ZNF675: variants seen among roughly 807,000 people sequenced by gnomAD.
ZNF675 encodes the protein zinc finger protein 675, also known as TRAF6 inhibitory zinc finger.
In ZNF675, 36 loss-of-function variants were observed where a neutral mutation model predicts 56.1. The ratio of observed to expected loss-of-function variants is 0.64; its 90% CI spans 0.49 to 0.85. ZNF675 has a LOEUF of 0.85. Ranked by LOEUF, ZNF675 falls within the 40% of genes least tolerant of loss-of-function variation. The pLI is 0.00. For missense variants in ZNF675, 663 were observed against 654.2 expected (o/e 1.01, Z -0.15); for synonymous variants, 200 against 218.9 (o/e 0.91, Z 0.76).
At chr19:23,676,505 C>T (rs939726819) in intron 1 of ZNF675, among the ~76,000 whole-genome samples, 3 of 151,674 alleles carry the variant, frequency 2.0e-5, no homozygotes, top group Admixed American at 2.0e-4. Flanking sequence ...AGTTAATCCA[C>T]CATTATCAAG....
At chr19:23,662,018 C>T (rs750543223) in intron 3 of ZNF675, 96 bp downstream of exon 3, 55 of 887,450 alleles carry the variant, frequency 6.2e-5, no homozygotes, top group Middle Eastern at 2.3e-4. Context: ...CTTTAAAACA[C>T]GGCTTCCCAA....
intron 1 of ZNF675, among the ~76,000 whole-genome samples, chr19:23,677,025 C>A (rs754713321): frequency 1.4e-5 from 2 of 146,190 alleles, no homozygotes; most frequent in African/African-American, 5.2e-5. Context: ...TGCAGTGAGC[C>A]GAGATTGCGC....
intron 3 of ZNF675, 193 bp downstream of exon 3, chr19:23,661,921 C>T: frequency 2.1e-6 from 1 of 483,380 alleles, no homozygotes. Flanking sequence ...AAAATGTAAA[C>T]AGAAACCTTA....
At chr19:23,678,125 GA>G (rs901443572) in intron 1 of ZNF675, among the ~76,000 whole-genome samples, 7 of 151,352 alleles carry the variant, frequency 4.6e-5, no homozygotes, top group Admixed American at 2.6e-4. Flanking sequence ...GTCTTGGGGG[GA>G]AAAAAAGTCA....
rs1463001242 is a variant in ZNF675 at position 23,662,120 on chromosome 19, G to A, written c.220C>T (p.Pro74Ser). The stretch of plus-strand genomic sequence containing the variant: ...CACTTTCATTCTCACTTACCTGGGG[G>A]TTCATTCACCATCTCATGTCTCTTC... ...TVKRHEMVNE[P>S]PVMCSHFAQE... Residue 74 changes from proline (P) to serine (S), a missense_variant, in exon 3 of 4, where the codon CCC becomes TCC. Physicochemically the swap from Pro to Ser is moderately conservative, Grantham distance 74. Around this residue, in one of 3 missense-constraint regions of ZNF675, gnomAD observed 617 missense variants for 590.5 expected, o/e 1.04. Transcript: ENST00000359788. The A allele has an allele frequency of 6.2e-7, 1 of 1,611,852 alleles. No individual in the cohort carries two copies. Among genetic ancestry groups the A allele is most frequent in the Non-Finnish European group, 8.5e-7 (1 of 1,178,394 alleles).
rs778418628 is a variant in ZNF675, at chr19:23,663,171, T to C, written c.4-13A>G. ...ATGTCAACAGTCCCTGAAAAACACA[T>C]ACACACAAACATATTCACCAGGTAG... is the stretch of plus-strand genomic sequence containing the variant. On this transcript the variant is annotated splice_polypyrimidine_tract_variant and intron_variant, in intron 1 of 3. Transcript: ENST00000359788. The C allele has an allele frequency of 1.4e-5, 22 of 1,596,522 alleles. No homozygotes were observed. The highest frequency in any genetic ancestry group is 7.0e-5 in the Admixed American group (4 of 57,168).
chr19:23,663,270 C>G lies in ZNF675; in HGVS notation c.4-112G>C, dbSNP rs1038133370. The G allele has an allele frequency of 3.1e-6, 4 of 1,273,280 alleles. No individual in the cohort carries two copies. In the African/African-American group the frequency reaches 6.2e-5, roughly 20 times the overall value. 78.9% of individuals were successfully genotyped at this position (1,273,280 alleles called of 1,614,324 possible). A position where few individuals can be genotyped will look rare whatever the true frequency, so the allele number is the denominator to read the frequency against. The stretch of plus-strand genomic sequence containing the variant: ...AACAGGTTCTGATTTATAGGAGTGA[C>G]TGAAATTATCCAATAAAATCATATT... On this transcript the variant is annotated intron_variant, in intron 1 of 3. Transcript: ENST00000359788.
chr19:23,669,298 G>A (rs945767092), intron 1 of ZNF675, among the ~76,000 whole-genome samples: 8 of 64,212 alleles, frequency 1.2e-4, no homozygotes, highest in East Asian at 5.3e-4. Flanking sequence ...CGTTGGCAGC[G>A]GGCAGTTCGC....
intron 1 of ZNF675, among the ~76,000 whole-genome samples, chr19:23,675,685 A>C (rs531233246): frequency 4.0e-5 from 6 of 151,710 alleles, no homozygotes; most frequent in Non-Finnish European, 8.8e-5. Context: ...GAATCACTGC[A>C]ACAAAACTAA....
Position 23,653,197 on chromosome 19 carries a change from A to C in ZNF675, c.*29T>G. ...CCAGTATGATTTCCTTTATATTTAG[A>C]AAAATTTGAGGTGTTGTCAAAATCA... On this transcript the variant is annotated 3_prime_UTR_variant, in exon 4 of 4. Transcript: ENST00000359788. The C allele has an allele frequency of 6.5e-7, 1 of 1,533,678 alleles. No homozygotes were observed. Among genetic ancestry groups the C allele is most frequent in the South Asian group, 1.3e-5 (1 of 76,256 alleles).
intron 1 of ZNF675, among the ~76,000 whole-genome samples, chr19:23,664,372 A>G (rs891409691): frequency 2.0e-5 from 3 of 152,120 alleles, no homozygotes; most frequent in Non-Finnish European, 2.9e-5. Context: ...AAGTCCACCC[A>G]TTTCTGTCCT....
intron 3 of ZNF675, among the ~76,000 whole-genome samples, chr19:23,660,601 T>A (rs1292107879): frequency 1.3e-5 from 2 of 152,136 alleles, no homozygotes; most frequent in African/African-American, 4.8e-5. Flanking sequence ...TTATTTACAA[T>A]AGCATTAAAA....
At chr19:23,658,887 A>AGATC (rs1568289149) in intron 3 of ZNF675, among the ~76,000 whole-genome samples, 1 of 41,210 alleles carries the variant, frequency 2.4e-5, no homozygotes, top group African/African-American at 6.3e-5. Context: ...ATCTATAGAT[A>AGATC]TAGATCTATA....
Position 23,654,687 on chromosome 19 carries a change from G to A in ZNF675, c.246C>T (p.Ala82=). The A allele has an allele frequency of 3.3e-6, 5 of 1,528,332 alleles. No individual in the cohort carries two copies. The highest frequency in any genetic ancestry group is 1.3e-5 in the South Asian group (1 of 75,394). The allele number at this position is 1,528,332 out of a possible 1,614,324, so 94.7% of individuals were successfully genotyped here. A position where few individuals can be genotyped will look rare whatever the true frequency, so the allele number is the denominator to read the frequency against. ...TGTTCTGCTCTGGCCAAAACTCTTGGGCAAAATGAGAACACATTACTGAAA... is the reference window on the plus strand; with the variant it reads ...TGTTCTGCTCTGGCCAAAACTCTTGAGCAAAATGAGAACACATTACTGAAA... ...NEPPVMCSHF[A]QEFWPEQNIK... The change falls in exon 4 of 4, where the codon GCC becomes GCT. Residue 82 remains alanine (A), a synonymous_variant. Transcript: ENST00000359788.
chr19:23,653,821 T>C lies in ZNF675; in HGVS notation c.1112A>G (p.Glu371Gly), dbSNP rs1266073269. 1 of 1,613,972 alleles carries C rather than the reference T, an allele frequency of 6.2e-7. No individual in the cohort carries two copies. The highest frequency in any genetic ancestry group is 1.7e-5 in the Admixed American group (1 of 60,016). ...TCGGTTAAAAGCTTTGCCGCATTCC[T>C]CACATTTGTAGGGTTGCTCTCCAGT... ...IHTGEQPYKC[E>G]ECGKAFNRSS... Residue 371 changes from glutamate to glycine, a missense_variant, in exon 4 of 4, where the codon GAG (glutamate) becomes GGG (glycine). Coordinates refer to ENST00000359788, the MANE Select transcript of ZNF675 (RefSeq NM_138330.3).
intron 1 of ZNF675, among the ~76,000 whole-genome samples, chr19:23,665,221 T>C (rs1198348339): frequency 1.3e-5 from 2 of 151,436 alleles, no homozygotes; most frequent in African/African-American, 4.9e-5. Flanking sequence ...GGCACTTGCT[T>C]ATAATCCCAG....
intron 3 of ZNF675, among the ~76,000 whole-genome samples, chr19:23,659,815 C>G (rs1259620234): frequency 1.3e-5 from 2 of 151,958 alleles, no homozygotes; most frequent in African/African-American, 4.8e-5. Flanking sequence ...GGAAGGTACC[C>G]ATTTACAGCC....
chr19:23,668,487 C>G (rs1269293339), intron 1 of ZNF675, among the ~76,000 whole-genome samples: 14 of 13,462 alleles, frequency 1.0e-3, no homozygotes, highest in Non-Finnish European at 4.3e-3. Flanking sequence ...CGCACCGGGG[C>G]TGCAGGTGGA....
chr19:23,678,443 G>T (rs1378193967), intron 1 of ZNF675, among the ~76,000 whole-genome samples: 1 of 150,386 alleles, frequency 6.6e-6, no homozygotes, highest in African/African-American at 2.5e-5. Flanking sequence ...TAGAGACAGG[G>T]TTTCACCATG....
Sources: allele counts gnomAD v4.1 joint callset (sites outside exome capture counted in the v4.1 genomes callset), GRCh38; gene constraint gnomAD v4.1.1; regional missense constraint gnomAD v4.1.1; transcripts MANE v1.5; gene names NCBI Gene and HGNC (gene_info 2026-07-23, HGNC 2026-07-21).